The following FSTL4 variants were observed in gnomAD, a reference collection of about 807,000 sequenced individuals.
FSTL4 encodes the protein follistatin like 4.
A neutral mutation model predicts 78.2 loss-of-function variants in FSTL4; 28 were observed. The ratio of observed to expected loss-of-function variants is 0.36; its 90% CI spans 0.27 to 0.49. The LOEUF (loss-of-function observed/expected upper bound fraction) is 0.49, where lower values mean the gene tolerates loss of function less well. Ranked by LOEUF, FSTL4 falls within the 20% of genes least tolerant of loss-of-function variation. FSTL4 has a pLI of 0.98. For missense variants in FSTL4, 922 were observed against 1,084.9 expected, an observed-to-expected ratio of 0.85 and a Z score of 2.11; for synonymous variants, 422 against 440.5, an observed-to-expected ratio of 0.96 and a Z score of 0.53.
intron 7 of FSTL4, among the ~76,000 whole-genome samples, chr5:133,235,499 C>CA (rs71581361): frequency 0.21 from 20,264 of 97,312 alleles, 2,520 homozygotes; most frequent in East Asian, 0.47. Context: ...ACCCCACCTC[C>CA]AAAAAAAAAA....
the FSTL4 span, among the ~76,000 whole-genome samples, chr5:133,648,416 C>T: frequency 0.051 from 7,705 of 152,290 alleles, 638 homozygotes; most frequent in African/African-American, 0.18. Flanking sequence ...CTTGACTACA[C>T]TTGTCAGGCC....
intron 2 of FSTL4, among the ~76,000 whole-genome samples, chr5:133,600,534 T>C (rs1037501687): frequency 1.3e-5 from 2 of 152,174 alleles, no homozygotes; most frequent in Admixed American, 6.5e-5. Context: ...GCCACTCCAC[T>C]CTTATGAAAG....
At chr5:133,486,105 T>A (rs1758127762) in intron 3 of FSTL4, among the ~76,000 whole-genome samples, 1 of 151,752 alleles carries the variant, frequency 6.6e-6, no homozygotes, top group East Asian at 1.9e-4. Flanking sequence ...AAACACGGGC[T>A]CATGGAGGAG....
intron 6 of FSTL4, among the ~76,000 whole-genome samples, chr5:133,256,012 T>C (rs925387765): frequency 6.6e-6 from 1 of 152,230 alleles, no homozygotes; most frequent in African/African-American, 2.4e-5. Context: ...TTAGTTTTCT[T>C]ATGTCAGAAA....
rs534532892 is a variant in FSTL4 at position 133,600,528 on chromosome 5, C to G, written c.126+3330G>C. 6.4e-4 allele frequency among the ~76,000 whole-genome samples: 98 copies of G among 152,290 alleles called. 1 individual carries two copies. The highest frequency in any genetic ancestry group is 2.3e-3 in the African/African-American group (97 of 41,560). ...TAGTATTCTAGGGCACGTTCTGCCA[C>G]TCCACTCTTATGAAAGAGGCACTCC... is the stretch of plus-strand genomic sequence containing the variant. On this transcript the variant is annotated intron_variant, in intron 2 of 15. Transcript: ENST00000265342.
chr5:133,775,309 CA>C, the FSTL4 span, among the ~76,000 whole-genome samples: 12 of 152,156 alleles, frequency 7.9e-5, no homozygotes, highest in Admixed American at 5.9e-4. Flanking sequence ...AGAATTCTGC[CA>C]ATAATTGTTC....
the FSTL4 span, among the ~76,000 whole-genome samples, chr5:133,749,750 C>A: frequency 6.6e-6 from 1 of 152,172 alleles, no homozygotes; most frequent in South Asian, 2.1e-4. Flanking sequence ...GCTCTTCCCT[C>A]CCACGATCAC....
the FSTL4 span, among the ~76,000 whole-genome samples, chr5:133,635,211 A>C: frequency 5.9e-5 from 9 of 152,224 alleles, no homozygotes; most frequent in Admixed American, 5.9e-4. Flanking sequence ...AGGAGGCTTC[A>C]GTGATGAGTC....
chr5:133,641,603 T>C, the FSTL4 span, among the ~76,000 whole-genome samples: 1 of 152,224 alleles, frequency 6.6e-6, no homozygotes, highest in Non-Finnish European at 1.5e-5. Context: ...TGTGTATATA[T>C]GTGTATGTGT....
intron 3 of FSTL4, among the ~76,000 whole-genome samples, chr5:133,480,967 GA>G (rs1156465123): frequency 2.6e-5 from 4 of 152,170 alleles, no homozygotes; most frequent in Non-Finnish European, 5.9e-5. Flanking sequence ...CCCGTGTGTG[GA>G]GGAAGGCAGG....
intron 2 of FSTL4, among the ~76,000 whole-genome samples, chr5:133,572,560 C>A (rs144227259): frequency 6.6e-6 from 1 of 151,542 alleles, no homozygotes; most frequent in Non-Finnish European, 1.5e-5. Context: ...AAGGCAAAAA[C>A]GCAGAAAATT....
In FSTL4 at chr5:133,487,369, T is replaced by C. The variant is rs533977129; in HGVS notation, c.160+79817A>G. Among the ~76,000 whole-genome samples, 4 of 152,282 alleles carry C rather than the reference T, an allele frequency of 2.6e-5. No individual in the cohort carries two copies. In the East Asian group the frequency reaches 7.7e-4, roughly 29 times the overall value. On this transcript the variant is annotated intron_variant, in intron 3 of 15. Coordinates refer to ENST00000265342, the MANE Select transcript of FSTL4 (RefSeq NM_015082.2). ...ATTCACTTCCTTCTGCAATCTGAGC[T>C]GTCACCATCTTTCCTTGCAGATGAT... is the stretch of plus-strand genomic sequence containing the variant.
intron 4 of FSTL4, among the ~76,000 whole-genome samples, chr5:133,370,085 C>T (rs554081124): frequency 6.6e-6 from 1 of 152,330 alleles, no homozygotes; most frequent in South Asian, 2.1e-4. Context: ...CCAGCTCTTA[C>T]TGTTCTAGCT....
chr5:133,264,295 G>A (rs941427595), intron 6 of FSTL4, among the ~76,000 whole-genome samples: 3 of 152,118 alleles, frequency 2.0e-5, no homozygotes, highest in Non-Finnish European at 2.9e-5. Flanking sequence ...CTTATTTTTC[G>A]TATGTTGGGA....
chr5:133,465,106 T>C (rs1451656393), intron 3 of FSTL4, among the ~76,000 whole-genome samples: 2 of 152,352 alleles, frequency 1.3e-5, no homozygotes, highest in Non-Finnish European at 1.5e-5. Context: ...GTCATTTATA[T>C]GAATGGTAAT....
rs1308414742 is a variant in FSTL4 at position 133,396,115 on chromosome 5, C to T, written c.409+4623G>A. Among the ~76,000 whole-genome samples, 3 of 152,186 alleles carry T rather than the reference C, an allele frequency of 2.0e-5. 1 individual carries two copies. Among genetic ancestry groups the T allele is most frequent in the Middle Eastern group, 6.3e-3 (2 of 316 alleles). On this transcript the variant is annotated intron_variant, in intron 4 of 15. Coordinates refer to ENST00000265342, the MANE Select transcript of FSTL4 (RefSeq NM_015082.2). ...CCTCATTCACAGGAGGACCCACCAC[C>T]CCTGACCTCTTAGCTCATTACAGAG... is the stretch of plus-strand genomic sequence containing the variant.
intron 3 of FSTL4, among the ~76,000 whole-genome samples, chr5:133,507,836 AT>A (rs1431626323): frequency 1.3e-5 from 2 of 151,514 alleles, no homozygotes; most frequent in Non-Finnish European, 2.9e-5. Context: ...CATTAAAAAA[AT>A]AATAATAATA....
the FSTL4 span, among the ~76,000 whole-genome samples, chr5:133,637,935 C>T: frequency 0.11 from 15,632 of 146,102 alleles, 884 homozygotes; most frequent in Admixed American, 0.15. Flanking sequence ...AGTAAGACTC[C>T]GTCTCAAAAA....
chr5:133,813,271 C>T, the FSTL4 span, among the ~76,000 whole-genome samples: 10 of 152,286 alleles, frequency 6.6e-5, no homozygotes, highest in Admixed American at 3.3e-4. Flanking sequence ...TTTTACTTAA[C>T]GTAACATATC....
Sources: allele counts gnomAD v4.1 joint callset (sites outside exome capture counted in the v4.1 genomes callset), GRCh38; gene constraint gnomAD v4.1.1; transcripts MANE v1.5; gene names NCBI Gene and HGNC (gene_info 2026-07-23, HGNC 2026-07-21).